The following BANK1 variants were observed in gnomAD, a reference collection of about 807,000 sequenced individuals.
The protein encoded by BANK1 is B-cell scaffold protein with ankyrin repeats.
A neutral mutation model predicts 94.5 loss-of-function variants in BANK1; 95 were observed. That is an observed-to-expected ratio of 1.00 (90% CI 0.85 to 1.19). The LOEUF (loss-of-function observed/expected upper bound fraction) is 1.19. Ranked by LOEUF, BANK1 falls within the 50% of genes most tolerant of loss-of-function variation. BANK1 has a pLI of 0.00. For synonymous variants in BANK1, 334 were observed against 308.4 expected, an observed-to-expected ratio of 1.08 and a Z score of -0.87; for missense variants, 987 against 932.2, an observed-to-expected ratio of 1.06 and a Z score of -0.77.
intron 1 of BANK1, among the ~76,000 whole-genome samples, chr4:101,802,306 T>A (rs547459209): frequency 6.6e-6 from 1 of 152,222 alleles, no homozygotes; most frequent in Non-Finnish European, 1.5e-5. Flanking sequence ...AATAAAGCTT[T>A]AGTGACATAA....
intron 7 of BANK1, among the ~76,000 whole-genome samples, chr4:101,945,862 C>A (rs1447312602): frequency 1.3e-5 from 2 of 151,792 alleles, no homozygotes; most frequent in African/African-American, 4.8e-5. Context: ...ATACTACATA[C>A]CCCCCAATCA....
intron 6 of BANK1, among the ~76,000 whole-genome samples, chr4:101,915,440 A>C (rs1722795657): frequency 6.6e-6 from 1 of 152,136 alleles, no homozygotes; most frequent in African/African-American, 2.4e-5. Flanking sequence ...TAGCAAGAAG[A>C]AATTAAGACT....
intron 5 of BANK1, among the ~76,000 whole-genome samples, chr4:101,891,869 C>T (rs1721887219): frequency 6.6e-6 from 1 of 151,912 alleles, no homozygotes; most frequent in Admixed American, 6.6e-5. Flanking sequence ...CTGAGAATTT[C>T]TGTTTTCCTG....
At chr4:101,850,296 G>A (rs973177420) in intron 2 of BANK1, among the ~76,000 whole-genome samples, 2 of 151,954 alleles carry the variant, frequency 1.3e-5, no homozygotes, top group Admixed American at 1.3e-4. Flanking sequence ...TTTTGAGAGG[G>A]AGTCTTGCTT....
chr4:101,885,705 G>A (rs1399643271), intron 5 of BANK1, among the ~76,000 whole-genome samples: 4 of 152,218 alleles, frequency 2.6e-5, no homozygotes, highest in South Asian at 2.1e-4. Flanking sequence ...TAAGGGCAAA[G>A]CTACTATCTA....
chr4:101,950,052 TGTGTGTGTGCGC>T lies in BANK1; in HGVS notation c.1206+31867_1206+31878del, dbSNP rs1278597165. On this transcript the variant is annotated intron_variant, in intron 7 of 16. Coordinates refer to ENST00000322953, the MANE Select transcript of BANK1 (RefSeq NM_017935.5). ...GTGTGTGTGTGTGTGTGTGTGTGTG[TGTGTGTGTGCGC>T]GTGCGCGCGCATGTGCCTACACAAA... 2.2e-3 allele frequency among the ~76,000 whole-genome samples: 265 copies of T among 117,974 alleles called. 3 individuals carry two copies. The highest frequency in any genetic ancestry group is 0.01 in the African/African-American group (244 of 24,132). 77.4% of individuals were successfully genotyped at this position (117,974 alleles called of 152,430 possible). A position where few individuals can be genotyped will look rare whatever the true frequency, so the allele number is the denominator to read the frequency against.
At chr4:101,987,120 G>T (rs1441430680) in intron 7 of BANK1, among the ~76,000 whole-genome samples, 2 of 151,452 alleles carry the variant, frequency 1.3e-5, no homozygotes, top group African/African-American at 4.9e-5. Flanking sequence ...TATACATGCT[G>T]TTGTCTTTAG....
intron 1 of BANK1, among the ~76,000 whole-genome samples, chr4:101,829,316 G>A (rs546261791): frequency 1.6e-4 from 25 of 151,832 alleles, no homozygotes; most frequent in African/African-American, 4.8e-4. Flanking sequence ...TCTCTTCTAC[G>A]TCAGGCTTTT....
chr4:101,901,769 GT>G (rs141270699), intron 6 of BANK1, among the ~76,000 whole-genome samples: 2 of 146,590 alleles, frequency 1.4e-5, no homozygotes, highest in African/African-American at 5.2e-5. Context: ...TTTTGTTTTT[GT>G]TTTTTTTTGA....
intron 7 of BANK1, among the ~76,000 whole-genome samples, chr4:102,000,753 A>G (rs1240577644): frequency 6.6e-6 from 1 of 152,232 alleles, no homozygotes; most frequent in Non-Finnish European, 1.5e-5. Context: ...AGTAGAATTA[A>G]TTAGATGTGC....
At chr4:101,965,117 A>C (rs1435061236) in intron 7 of BANK1, among the ~76,000 whole-genome samples, 1 of 151,908 alleles carries the variant, frequency 6.6e-6, no homozygotes, top group Non-Finnish European at 1.5e-5. Flanking sequence ...ATGGTTGCAT[A>C]GTATTCCATG....
intron 5 of BANK1, among the ~76,000 whole-genome samples, chr4:101,874,531 T>C (rs552020734): frequency 1.3e-5 from 2 of 152,314 alleles, no homozygotes; most frequent in East Asian, 3.9e-4. Flanking sequence ...TACAAATGCG[T>C]CTAGTCTCTA....
intron 5 of BANK1, among the ~76,000 whole-genome samples, chr4:101,888,877 A>G (rs1326166986): frequency 6.6e-6 from 1 of 152,170 alleles, no homozygotes; most frequent in African/African-American, 2.4e-5. Flanking sequence ...AGCTATTTAC[A>G]TTATGTAATA....
intron 13 of BANK1, among the ~76,000 whole-genome samples, chr4:102,069,827 A>G (rs910279011): frequency 3.3e-5 from 5 of 152,242 alleles, no homozygotes; most frequent in African/African-American, 1.2e-4. Context: ...AATGAATCTC[A>G]CAAACATTAC....
intron 7 of BANK1, among the ~76,000 whole-genome samples, chr4:101,924,372 A>G (rs1417165835): frequency 2.0e-5 from 3 of 151,770 alleles, no homozygotes; most frequent in Non-Finnish European, 4.4e-5. Flanking sequence ...CTGTTTTCTC[A>G]GTGTTTTGCT....
chr4:101,798,743 G>A (rs766684299), intron 1 of BANK1, among the ~76,000 whole-genome samples: 1 of 152,152 alleles, frequency 6.6e-6, no homozygotes, highest in Non-Finnish European at 1.5e-5. Context: ...GTGTCTGTTG[G>A]CTGCATAAAT....
At chr4:101,973,097 T>C (rs1194677816) in intron 7 of BANK1, among the ~76,000 whole-genome samples, 1 of 151,932 alleles carries the variant, frequency 6.6e-6, no homozygotes, top group African/African-American at 2.4e-5. Context: ...TAAATATAGT[T>C]AATAATAGAG....
intron 1 of BANK1, among the ~76,000 whole-genome samples, chr4:101,808,756 C>T (rs2148853397): frequency 6.6e-6 from 1 of 152,100 alleles, no homozygotes; most frequent in African/African-American, 2.4e-5. Flanking sequence ...GAAAAATGCT[C>T]AACATCACTA....
At chr4:101,802,548 A>G (rs929044039) in intron 1 of BANK1, among the ~76,000 whole-genome samples, 6 of 152,196 alleles carry the variant, frequency 3.9e-5, no homozygotes, top group African/African-American at 1.4e-4. Flanking sequence ...GAAGTTAGCA[A>G]TTAGCACACA....
Sources: gnomAD v4.1 joint callset for allele counts (sites outside exome capture counted in the v4.1 genomes callset) on GRCh38, gnomAD v4.1.1 for gene constraint, MANE v1.5 for transcripts, NCBI Gene and HGNC (gene_info 2026-07-23, HGNC 2026-07-21) for gene names.